Variants in PLEKHH3 observed in about 807,000 individuals in gnomAD.
PLEKHH3 encodes pleckstrin homology, MyTH4 and FERM domain containing H3.
A neutral mutation model predicts 77.8 loss-of-function variants in PLEKHH3; 57 were observed. The observed-to-expected ratio is 0.73, with a 90% CI of 0.59 to 0.91. The LOEUF (loss-of-function observed/expected upper bound fraction) is 0.91, where lower values mean the gene tolerates loss of function less well. Among genes scored for constraint, PLEKHH3 ranks in the 40% least tolerant of loss-of-function variants. PLEKHH3 has a pLI of 0.00. For missense variants in PLEKHH3, 1,082 were observed against 1,091.2 expected (o/e 0.99, Z 0.12); for synonymous variants, 467 against 504.8 (o/e 0.93, Z 1.00).
In PLEKHH3 at chr17:42,671,310, C is replaced by T. The variant is rs1372915946; in HGVS notation, c.1284+41G>A. The T allele has an allele frequency of 1.3e-6, 2 of 1,595,838 alleles. No individual in the cohort carries two copies. Among genetic ancestry groups the T allele is most frequent in the Admixed American group, 1.7e-5 (1 of 58,568 alleles). Reference sequence around the variant, plus strand: ...GGGAGAGACAGGCGTGAGAAGCTGGCAGGGTGGGTTGGAGGTCATGGGGCC... The same window carrying T: ...GGGAGAGACAGGCGTGAGAAGCTGGTAGGGTGGGTTGGAGGTCATGGGGCC... On this transcript the variant is annotated intron_variant, in intron 8 of 12. Transcript: ENST00000591022. This position sits in a 1 kb window ranked among gnomAD's most constrained non-coding sequence, Gnocchi z 4.7.
intron 12 of PLEKHH3, 47 bp downstream of exon 12, chr17:42,669,383 C>T (rs1244470879): frequency 2.0e-6 from 3 of 1,478,898 alleles, no homozygotes; most frequent in African/African-American, 2.8e-5. Context: ...TGCTTCCTGA[C>T]ATCGCTTCCC....
chr17:42,669,158 T>C (rs1165212578), intron 12 of PLEKHH3: 1 of 336,302 alleles, frequency 3.0e-6, no homozygotes, highest in Non-Finnish European at 5.3e-6. Context: ...AGGTCTTCCC[T>C]GGCTAGCTTA....
intron 9 of PLEKHH3, 66 bp downstream of exon 9, chr17:42,670,928 T>G (rs1255928215): frequency 1.3e-5 from 21 of 1,578,468 alleles, no homozygotes; most frequent in Non-Finnish European, 1.6e-5. Flanking sequence ...AATGTCCGCT[T>G]AGAGACTGAC....
rs1310096345 is a variant in PLEKHH3 at position 42,673,529 on chromosome 17, C to T, written c.518G>A (p.Arg173Gln). Residue 173 changes from arginine (R) to glutamine (Q), a missense_variant, in exon 5 of 13, where the codon CGG becomes CAG. Arg to Gln is a conservative substitution (Grantham distance 43). Coordinates refer to ENST00000591022, the MANE Select transcript of PLEKHH3 (RefSeq NM_024927.5). ...GGAGCAGAGGCGGACACTGTGTTTC[C>T]GACCAGACACAGTCACTGACCACAG... Reference protein sequence around the residue: ...TGLWSVTVSGRKHSVRLCSPR... With the variant: ...TGLWSVTVSGQKHSVRLCSPR... The T allele has an allele frequency of 2.5e-6, 4 of 1,598,062 alleles. No homozygotes were observed. The highest frequency in any genetic ancestry group is 2.2e-5 in the East Asian group (1 of 44,818).
In PLEKHH3 at chr17:42,676,641, G is replaced by T; in HGVS notation, c.-78C>A. ...GGGTCGGAGGAACTGGCGGGGCTCC[G>T]ACCCGAGCAGGGGAAAGATGAGGTG... is the stretch of plus-strand genomic sequence containing the variant. On this transcript the variant is annotated 5_prime_UTR_variant, in exon 1 of 13. Coordinates refer to ENST00000591022, the MANE Select transcript of PLEKHH3 (RefSeq NM_024927.5). This position sits in a 1 kb window ranked among gnomAD's most constrained non-coding sequence, Gnocchi z 6.6. 1 of 1,374,660 alleles carries T rather than the reference G, an allele frequency of 7.3e-7. No homozygotes were observed. The highest frequency in any genetic ancestry group is 1.0e-6 in the Non-Finnish European group (1 of 1,000,788). 85.2% of individuals were successfully genotyped at this position (1,374,660 alleles called of 1,614,324 possible). A position where few individuals can be genotyped will look rare whatever the true frequency, so the allele number is the denominator to read the frequency against.
intron 11 of PLEKHH3, 146 bp from the exon 12 acceptor site, chr17:42,669,767 T>A (rs1424946380): frequency 2.5e-5 from 37 of 1,491,602 alleles, no homozygotes; most frequent in Non-Finnish European, 3.1e-5. Flanking sequence ...TCCAGGGATG[T>A]GAGGGCCCAA....
chr17:42,672,263 A>G lies in PLEKHH3; in HGVS notation c.899T>C (p.Leu300Pro). Reference protein sequence around the residue: ...VLQTCRDLPALRDELFLQLAK... With the variant: ...VLQTCRDLPAPRDELFLQLAK... ...CAGCTGCAGGAAGAGTTCATCCCGG[A>G]GCGCGGGCAAGTCCCGGCAGGTTTG... Residue 300 changes from leucine (L) to proline (P), a missense_variant, in exon 7 of 13, where the codon CTC becomes CCC. Coordinates refer to ENST00000591022, the MANE Select transcript of PLEKHH3 (RefSeq NM_024927.5). 1 of 1,550,838 alleles carries G rather than the reference A, an allele frequency of 6.4e-7. No individual in the cohort carries two copies. Among genetic ancestry groups the G allele is most frequent in the Non-Finnish European group, 8.7e-7 (1 of 1,147,040 alleles).
chr17:42,669,836 G>T, intron 11 of PLEKHH3, 82 bp downstream of exon 11: 1 of 1,570,686 alleles, frequency 6.4e-7, no homozygotes, highest in South Asian at 1.2e-5. Context: ...GGAATTACGT[G>T]ACACTCCGTG....
chr17:42,674,210 C>T, intron 2 of PLEKHH3, 144 bp downstream of exon 2: 2 of 1,157,584 alleles, frequency 1.7e-6, no homozygotes, highest in Non-Finnish European at 2.4e-6. Flanking sequence ...CCCAGCCGGA[C>T]CGCCCCCCGG....
chr17:42,672,369 C>T lies in PLEKHH3; in HGVS notation c.793G>A (p.Glu265Lys). The T allele has an allele frequency of 1.3e-6, 2 of 1,535,714 alleles. No homozygotes were observed. Among genetic ancestry groups the T allele is most frequent in the East Asian group, 2.4e-5 (1 of 40,818 alleles). Reference sequence around the variant, plus strand: ...GCCAAGAACAGCCGCACCGCCTCCTCGCGCAGGGGTGCATAGCCCGGACCT... The same window carrying T: ...GCCAAGAACAGCCGCACCGCCTCCTTGCGCAGGGGTGCATAGCCCGGACCT... Reference protein sequence around the residue: ...APGPGYAPLREEAVRLFLALQ... With the variant: ...APGPGYAPLRKEAVRLFLALQ... Residue 265 changes from glutamate to lysine, a missense_variant, in exon 7 of 13, where the codon GAG becomes AAG. Glu to Lys is a moderately conservative substitution (Grantham distance 56, BLOSUM62 1). Around this residue, in one of 3 missense-constraint regions of PLEKHH3, gnomAD observed 733 missense variants for 750.0 expected, o/e 0.98. Transcript: ENST00000591022.
In PLEKHH3 at chr17:42,669,938, C is replaced by A; in HGVS notation, c.1993G>T (p.Asp665Tyr). The change falls in exon 11 of 13, where the codon GAC becomes TAC. Residue 665 changes from aspartate (D) to tyrosine (Y), a missense_variant. Coordinates refer to ENST00000591022, the MANE Select transcript of PLEKHH3 (RefSeq NM_024927.5). ...CTCACCGTGCTCAGCTCCAGAACGT[C>A]ATACCGAGCAGCGCCGAACCCCGGA... ...QCPGFGAARY[D>Y]VLELSTEPGR... 1.2e-6 allele frequency: 2 copies of A among 1,613,562 alleles called. No individual in the cohort carries two copies. The highest frequency in any genetic ancestry group is 1.1e-5 in the South Asian group (1 of 91,062).
chr17:42,670,213 G>C lies in PLEKHH3; in HGVS notation c.1718C>G (p.Pro573Arg). ...LPPPAPPRED[P>R]PRPTPRPPPS... Reference sequence around the variant, plus strand: ...GGGCGGCCTGGGGGTCGGGCGGGGCGGGTCTTCGCGCGGCGGGGCCGGGGG... The same window carrying C: ...GGGCGGCCTGGGGGTCGGGCGGGGCCGGTCTTCGCGCGGCGGGGCCGGGGG... Residue 573 changes from proline to arginine, a missense_variant, in exon 11 of 13, where the codon CCG (proline) becomes CGG (arginine). By Grantham distance (103) the Pro-to-Arg change is moderately radical. This residue lies in a region of PLEKHH3 where 733 missense variants were observed against 750.0 expected (regional missense o/e 0.98). Transcript: ENST00000591022. The C allele has an allele frequency of 1.6e-6, 2 of 1,213,198 alleles. No homozygotes were observed. The highest frequency in any genetic ancestry group is 3.4e-5 in the East Asian group (1 of 29,332). 75.2% of individuals were successfully genotyped at this position (1,213,198 alleles called of 1,614,324 possible).
chr17:42,668,258 A>AG lies in PLEKHH3; in HGVS notation c.2250dup (p.Ser751LeufsTer66), dbSNP rs772390608. On this transcript the variant is annotated frameshift_variant, in exon 13 of 13. Coordinates refer to ENST00000591022, the MANE Select transcript of PLEKHH3 (RefSeq NM_024927.5). LOFTEE classifies it high-confidence loss of function. ...GAGCTGCTGCAGGGCCTCTCGGGGG[A>AG]GGGGTTGGCCAAGTAGGCATTCACC... is the stretch of plus-strand genomic sequence containing the variant. 165 of 1,554,622 alleles carry AG rather than the reference A, an allele frequency of 1.1e-4. No homozygotes were observed. Among genetic ancestry groups the AG allele is most frequent in the Non-Finnish European group, 1.4e-4 (161 of 1,158,074 alleles).
chr17:42,670,411 G>T, intron 10 of PLEKHH3, 35 bp from the exon 11 acceptor site: 1 of 1,457,966 alleles, frequency 6.9e-7, no homozygotes, highest in Non-Finnish European at 9.0e-7. Context: ...GTGTACGAGC[G>T]GCGGCGGAAC....
rs1032192651 is a variant in PLEKHH3, at chr17:42,668,308, G to A, written c.2206-5C>T. 4 of 1,536,954 alleles carry A rather than the reference G, an allele frequency of 2.6e-6. No homozygotes were observed. The highest frequency in any genetic ancestry group is 3.5e-6 in the Non-Finnish European group (4 of 1,151,954). On this transcript the variant is annotated splice_region_variant and splice_polypyrimidine_tract_variant and intron_variant, in intron 12 of 12. Coordinates refer to ENST00000591022, the MANE Select transcript of PLEKHH3 (RefSeq NM_024927.5). Reference sequence around the variant, plus strand: ...CAGCTGCATGATCTCTTCCACCTAAGAGAGGGCAGAGGTCAGTGTGCAACA... The same window carrying A: ...CAGCTGCATGATCTCTTCCACCTAAAAGAGGGCAGAGGTCAGTGTGCAACA...
chr17:42,672,451 G>A (rs1032731299), intron 6 of PLEKHH3, 59 bp from the exon 7 acceptor site: 1 of 1,411,928 alleles, frequency 7.1e-7, no homozygotes, highest in African/African-American at 1.4e-5. Flanking sequence ...CTGCGCCCTG[G>A]GAGGAAGGCA....
chr17:42,669,131 T>C (rs2052626980), intron 12 of PLEKHH3: 1 of 270,302 alleles, frequency 3.7e-6, no homozygotes, highest in Non-Finnish European at 6.9e-6. Context: ...TCTTTCTACC[T>C]GGAATGCTGT....
At position 42,668,084 on chromosome 17, in the gene PLEKHH3, C is replaced by T. The variant is rs1207046985; in HGVS notation, c.*43G>A. 1.2e-5 allele frequency: 17 copies of T among 1,364,446 alleles called. No homozygotes were observed. The highest frequency in any genetic ancestry group is 1.9e-5 in the South Asian group (1 of 52,750). 84.5% of individuals were successfully genotyped at this position (1,364,446 alleles called of 1,614,324 possible). A position where few individuals can be genotyped will look rare whatever the true frequency, so the allele number is the denominator to read the frequency against. On this transcript the variant is annotated 3_prime_UTR_variant, in exon 13 of 13. Transcript: ENST00000591022. ...CCCTCAAATCTCAGAGCAGTCCTGG[C>T]CCAGGCTGCAGGCAGGAGGGAAGTC...
rs2052777001 is a variant in PLEKHH3 at position 42,674,418 on chromosome 17, A to G, written c.163-9T>C. The G allele has an allele frequency of 4.4e-6, 7 of 1,582,594 alleles. No homozygotes were observed. The highest frequency in any genetic ancestry group is 2.6e-6 in the Non-Finnish European group (3 of 1,165,846). Reference sequence around the variant, plus strand: ...GTCACTTCCAGGGGACCCTGGGGAGACAGGCGGGGAAGCCCTCAGGGTCAG... The same window carrying G: ...GTCACTTCCAGGGGACCCTGGGGAGGCAGGCGGGGAAGCCCTCAGGGTCAG... On this transcript the variant is annotated splice_polypyrimidine_tract_variant and intron_variant, in intron 1 of 12. Coordinates refer to ENST00000591022, the MANE Select transcript of PLEKHH3 (RefSeq NM_024927.5).
Sources: allele counts gnomAD v4.1 joint callset, GRCh38; gene constraint gnomAD v4.1.1; regional missense constraint gnomAD v4.1.1; non-coding constraint Gnocchi (gnomAD v3.1); transcripts MANE v1.5; gene names NCBI Gene and HGNC (gene_info 2026-07-23, HGNC 2026-07-21).